Variants in STX8 observed in about 807,000 individuals in gnomAD.
The protein encoded by STX8 is syntaxin 8.
Under a neutral mutation model 37.5 loss-of-function variants are expected in STX8, and 23 were observed. That is an observed-to-expected ratio of 0.61 (90% CI 0.44 to 0.87). The LOEUF is 0.87. Among genes scored for constraint, STX8 ranks in the 40% least tolerant of loss-of-function variants. The pLI, the probability that STX8 is intolerant of heterozygous loss-of-function variation, is 0.00. For synonymous variants in STX8, 115 were observed against 99.1 expected (o/e 1.16, Z -0.95); for missense variants, 313 against 284.7 (o/e 1.10, Z -0.71).
intron 7 of STX8, among the ~76,000 whole-genome samples, chr17:9,328,444 C>T (rs1235366415): frequency 4.6e-5 from 7 of 152,088 alleles, no homozygotes; most frequent in African/African-American, 1.4e-4. Context: ...CATCGTTTTC[C>T]GAGCCCCAAC....
chr17:9,520,435 C>T (rs534382423), intron 4 of STX8, among the ~76,000 whole-genome samples: 2 of 152,204 alleles, frequency 1.3e-5, no homozygotes, highest in Admixed American at 1.3e-4. Context: ...AAAGGAAATG[C>T]TAAATACTAT....
intron 6 of STX8, among the ~76,000 whole-genome samples, chr17:9,455,382 C>T (rs1221778291): frequency 6.6e-6 from 1 of 151,888 alleles, no homozygotes; most frequent in African/African-American, 2.4e-5. Flanking sequence ...CGCCTGTAAT[C>T]CCAGCTACTC....
chr17:9,503,885 C>T (rs986689062), intron 5 of STX8, among the ~76,000 whole-genome samples: 4 of 152,148 alleles, frequency 2.6e-5, no homozygotes, highest in African/African-American at 9.7e-5. Flanking sequence ...CTGCCTCAGC[C>T]TCCTGAGTAG....
chr17:9,361,418 C>T (rs560358630), intron 7 of STX8, among the ~76,000 whole-genome samples: 3 of 152,228 alleles, frequency 2.0e-5, no homozygotes, highest in South Asian at 4.2e-4. Flanking sequence ...TTAGATAAGT[C>T]ACAAGGGCAG....
At chr17:9,324,931 T>C (rs925131518) in intron 7 of STX8, among the ~76,000 whole-genome samples, 1 of 152,198 alleles carries the variant, frequency 6.6e-6, no homozygotes, top group Non-Finnish European at 1.5e-5. Context: ...ATGCATTCAG[T>C]AGAAACTGAA....
intron 6 of STX8, among the ~76,000 whole-genome samples, chr17:9,444,370 T>C (rs549527705): frequency 6.6e-6 from 1 of 152,336 alleles, no homozygotes; most frequent in East Asian, 1.9e-4. Flanking sequence ...ATCCTGCCCC[T>C]CTCTGCCCTA....
At chr17:9,344,579 C>A (rs1910473541) in intron 7 of STX8, among the ~76,000 whole-genome samples, 1 of 152,074 alleles carries the variant, frequency 6.6e-6, no homozygotes. Flanking sequence ...GCTCTCTTCC[C>A]ATCACCCAGC....
intron 6 of STX8, among the ~76,000 whole-genome samples, chr17:9,449,842 G>A (rs1289170732): frequency 2.6e-5 from 4 of 151,832 alleles, no homozygotes; most frequent in Non-Finnish European, 5.9e-5. Context: ...AATGAGCCAA[G>A]CACAGGTGGC....
At chr17:9,421,392 C>CG (rs1491366215) in intron 6 of STX8, among the ~76,000 whole-genome samples, 1 of 56,772 alleles carries the variant, frequency 1.8e-5, no homozygotes, top group East Asian at 6.3e-4. Context: ...AACTCCATCT[C>CG]AAAAAAAAAA....
chr17:9,457,271 G>C (rs1905209959), intron 6 of STX8, among the ~76,000 whole-genome samples: 1 of 152,172 alleles, frequency 6.6e-6, no homozygotes, highest in African/African-American at 2.4e-5. Flanking sequence ...AAATCAACGT[G>C]TCAGAAAGGC....
intron 4 of STX8, among the ~76,000 whole-genome samples, chr17:9,506,564 A>C (rs1254605274): frequency 1.3e-5 from 2 of 152,108 alleles, no homozygotes; most frequent in Admixed American, 1.3e-4. Flanking sequence ...GAAGGCCCCC[A>C]GCCTCTGTGG....
In STX8 at chr17:9,263,866, T is replaced by C. The variant is rs531615333; in HGVS notation, c.644-13221A>G. 3.3e-5 allele frequency among the ~76,000 whole-genome samples: 5 copies of C among 152,354 alleles called. No individual in the cohort carries two copies. In the South Asian group the frequency reaches 1.0e-3, roughly 32 times the overall value. On this transcript the variant is annotated intron_variant, in intron 7 of 7. Transcript: ENST00000306357. ...TCATATGATGTGACTTTGACATTGC[T>C]CTCATCAAGAGGTAGGACCTGGGTC... is the stretch of plus-strand genomic sequence containing the variant.
intron 6 of STX8, among the ~76,000 whole-genome samples, chr17:9,481,399 T>C (rs998778340): frequency 5.3e-5 from 8 of 152,196 alleles, no homozygotes; most frequent in African/African-American, 7.2e-5. Context: ...TTTCTAACTG[T>C]CTTGCTTCCT....
chr17:9,552,575 G>T (rs1362655063), intron 3 of STX8, among the ~76,000 whole-genome samples: 3 of 151,714 alleles, frequency 2.0e-5, no homozygotes, highest in Non-Finnish European at 4.4e-5. Flanking sequence ...CACCACATCT[G>T]TCTATGCACT....
In STX8 at chr17:9,260,077, G is replaced by T. The variant is rs140198480; in HGVS notation, c.644-9432C>A. Among the ~76,000 whole-genome samples the T allele has an allele frequency of 1.3e-4, 20 of 152,054 alleles. No individual in the cohort carries two copies. The East Asian group carries it at 3.3e-3, about 25-fold the overall frequency. ...TAATTTAAATTTTAAAAAAGAAAAA[G>T]AATAATATTAATAGTAGTAGTGTCA... On this transcript the variant is annotated intron_variant, in intron 7 of 7. Transcript: ENST00000306357.
intron 6 of STX8, among the ~76,000 whole-genome samples, chr17:9,473,737 CAT>C: frequency 6.6e-6 from 1 of 152,256 alleles, no homozygotes; most frequent in Non-Finnish European, 1.5e-5. Context: ...GCCAAGTATA[CAT>C]ATGTTTGGTC....
Position 9,532,018 on chromosome 17 carries a change from G to T in STX8, c.323+13154C>A, listed in dbSNP as rs150344757. On this transcript the variant is annotated intron_variant, in intron 4 of 7. Transcript: ENST00000306357. ...TTCTTGACTTGATCAATGACATGGAGTTGCAATGACCATTTGTTCAGATCT... is the reference window on the plus strand; with the variant it reads ...TTCTTGACTTGATCAATGACATGGATTTGCAATGACCATTTGTTCAGATCT... Among the ~76,000 whole-genome samples, 348 of 152,238 alleles carry T rather than the reference G, an allele frequency of 2.3e-3. 4 individuals carry two copies. The highest frequency in any genetic ancestry group is 3.9e-3 in the Non-Finnish European group (262 of 68,016).
At chr17:9,420,139 T>C (rs1913370237) in intron 6 of STX8, among the ~76,000 whole-genome samples, 1 of 152,194 alleles carries the variant, frequency 6.6e-6, no homozygotes, top group African/African-American at 2.4e-5. Flanking sequence ...TCAATGTGTA[T>C]TCTTAGATGG....
At chr17:9,433,811 A>C (rs1413764282) in intron 6 of STX8, among the ~76,000 whole-genome samples, 1 of 152,122 alleles carries the variant, frequency 6.6e-6, no homozygotes, top group Non-Finnish European at 1.5e-5. Context: ...AAAGTGAGGA[A>C]GAGTTTAATG....
Sources: gnomAD v4.1 joint callset for allele counts (sites outside exome capture counted in the v4.1 genomes callset) on GRCh38, gnomAD v4.1.1 for gene constraint, MANE v1.5 for transcripts, NCBI Gene and HGNC (gene_info 2026-07-23, HGNC 2026-07-21) for gene names.